SLAIN1: variants seen among roughly 807,000 people sequenced by gnomAD.
SLAIN1 encodes the protein SLAIN motif-containing protein 1.
A neutral mutation model predicts 55.4 loss-of-function variants in SLAIN1; 17 were observed. The ratio of observed to expected loss-of-function variants is 0.31; its 90% CI spans 0.21 to 0.46. SLAIN1 has a LOEUF of 0.46. SLAIN1 is among the 20% of genes least tolerant of loss of function. The pLI is 1.00. For synonymous variants in SLAIN1, 348 were observed against 337.4 expected (o/e 1.03, Z -0.35); for missense variants, 682 against 785.1 (o/e 0.87, Z 1.57).
chr13:77,715,057 A>G (rs544856031), intron 1 of SLAIN1, among the ~76,000 whole-genome samples: 24 of 152,192 alleles, frequency 1.6e-4, no homozygotes, highest in African/African-American at 4.6e-4. Flanking sequence ...TAGTAGAGAC[A>G]GGGTTTCACC....
In SLAIN1 at chr13:77,741,120, T is replaced by C. The variant is rs914978106; in HGVS notation, c.767-3163T>C. On this transcript the variant is annotated intron_variant, in intron 2 of 6. Coordinates refer to ENST00000418532, the MANE Select transcript of SLAIN1 (RefSeq NM_001242868.2). ...TGATGAATGCTGCTTACTTGTGATG[T>C]GCTGCCGCCCGCATCTGTGGGTGAG... The C allele has an allele frequency of 4.1e-6, 4 of 984,328 alleles. No homozygotes were observed. In the African/African-American group the frequency reaches 7.0e-5, roughly 17 times the overall value. The allele number at this position is 984,328 out of a possible 1,614,324, so 61.0% of individuals were successfully genotyped here. A position where few individuals can be genotyped will look rare whatever the true frequency, so the allele number is the denominator to read the frequency against.
Position 77,698,918 on chromosome 13 carries a change from CG to C in SLAIN1, c.626+384del. 1 of 1,533,434 alleles carries C rather than the reference CG, an allele frequency of 6.5e-7. No homozygotes were observed. The highest frequency in any genetic ancestry group is 1.2e-5 in the South Asian group (1 of 83,930). The allele number at this position is 1,533,434 out of a possible 1,614,324, so 95.0% of individuals were successfully genotyped here. On this transcript the variant is annotated intron_variant, in intron 1 of 6. Transcript: ENST00000418532. This position sits in a 1 kb window ranked among gnomAD's most constrained non-coding sequence, Gnocchi z 4.1. The stretch of plus-strand genomic sequence containing the variant: ...TTCCCCAGTGTTTTCGGAGGGATGA[CG>C]GGGGATGGTAGGGGTTGGCCTCTGT...
At chr13:77,762,194 T>C (rs1222590378) in intron 6 of SLAIN1, among the ~76,000 whole-genome samples, 1 of 152,178 alleles carries the variant, frequency 6.6e-6, no homozygotes, top group Non-Finnish European at 1.5e-5. Context: ...TTATTCTGCT[T>C]TGTAAATGCA....
intron 1 of SLAIN1, among the ~76,000 whole-genome samples, chr13:77,716,134 T>C (rs900385058): frequency 5.9e-5 from 9 of 151,992 alleles, no homozygotes; most frequent in Non-Finnish European, 1.2e-4. Flanking sequence ...TTTTTTTTTT[T>C]CTCACATATA....
chr13:77,760,227 A>C (rs946940776), intron 5 of SLAIN1, among the ~76,000 whole-genome samples: 3 of 152,188 alleles, frequency 2.0e-5, no homozygotes, highest in Non-Finnish European at 4.4e-5. Flanking sequence ...TGATACACAA[A>C]GTTGGATCAG....
At chr13:77,758,324 A>G (rs1874752036) in intron 5 of SLAIN1, among the ~76,000 whole-genome samples, 1 of 151,814 alleles carries the variant, frequency 6.6e-6, no homozygotes, top group Non-Finnish European at 1.5e-5. Context: ...GATTCTAGCT[A>G]TTAGTCCTTT....
rs745955044 is a variant in SLAIN1, at chr13:77,761,042, C to T, written c.1629C>T (p.Leu543=). 1.9e-6 allele frequency: 3 copies of T among 1,614,084 alleles called. No individual in the cohort carries two copies. Among genetic ancestry groups the T allele is most frequent in the Non-Finnish European group, 2.5e-6 (3 of 1,180,038 alleles). The part of the protein sequence containing the change: ...AASGIMGRSA[L]PRPSLAINGS... ...CTGGGATAATGGGTCGCAGTGCACT[C>T]CCAAGACCTTCGTTGGCAATAAATG... The change falls in exon 6 of 7, where the codon CTC becomes CTT. Residue 543 remains leucine (L), a synonymous_variant. Transcript: ENST00000418532.
Position 77,698,909 on chromosome 13 carries a change from G to C in SLAIN1, c.626+370G>C, listed in dbSNP as rs148814375. The C allele has an allele frequency of 8.5e-4, 1,310 of 1,533,248 alleles. 18 individuals carry two copies. The East Asian group carries it at 0.022, about 26-fold the overall frequency. 95.0% of individuals were successfully genotyped at this position (1,533,248 alleles called of 1,614,324 possible). On this transcript the variant is annotated intron_variant, in intron 1 of 6. Transcript: ENST00000418532. The surrounding 1 kb of genome is among the most constrained non-coding windows in gnomAD (Gnocchi z 4.1). ...GCTGCTCTTTTCCCCAGTGTTTTCG[G>C]AGGGATGACGGGGGATGGTAGGGGT...
intron 2 of SLAIN1, among the ~76,000 whole-genome samples, chr13:77,726,643 C>T (rs762136686): frequency 1.3e-5 from 2 of 152,120 alleles, no homozygotes; most frequent in Non-Finnish European, 2.9e-5. Context: ...TGATATTGAA[C>T]TCCTGGGCTC....
intron 5 of SLAIN1, among the ~76,000 whole-genome samples, chr13:77,759,919 A>T (rs1386350308): frequency 6.6e-6 from 1 of 152,214 alleles, no homozygotes; most frequent in African/African-American, 2.4e-5. Context: ...TTTTAAGGAA[A>T]TATTTTCAAG....
At chr13:77,757,764 G>A (rs990971450) in intron 5 of SLAIN1, among the ~76,000 whole-genome samples, 5 of 151,934 alleles carry the variant, frequency 3.3e-5, no homozygotes, top group African/African-American at 1.2e-4. Context: ...ATATTAATTT[G>A]TTTCTTTTTA....
At chr13:77,751,820 C>T (rs760302895) in intron 4 of SLAIN1, among the ~76,000 whole-genome samples, 2 of 152,004 alleles carry the variant, frequency 1.3e-5, no homozygotes, top group South Asian at 2.1e-4. Context: ...AGAGTGGAAT[C>T]GAGTACTTGA....
At chr13:77,740,240 G>A (rs1873349651) in intron 2 of SLAIN1, among the ~76,000 whole-genome samples, 2 of 152,014 alleles carry the variant, frequency 1.3e-5, no homozygotes, top group South Asian at 4.1e-4. Context: ...TTCAGAACAG[G>A]TTTGCTCAGG....
chr13:77,741,416 G>A (rs930592659), intron 2 of SLAIN1: 10 of 987,316 alleles, frequency 1.0e-5, no homozygotes, highest in South Asian at 4.7e-5. Context: ...TTCTGGCTCC[G>A]ATTGGGAAAA....
Position 77,698,202 on chromosome 13 carries a change from G to A in SLAIN1, c.289G>A (p.Gly97Arg). 1 of 1,232,370 alleles carries A rather than the reference G, an allele frequency of 8.1e-7. No homozygotes were observed. 76.3% of individuals were successfully genotyped at this position (1,232,370 alleles called of 1,614,324 possible). ...CACCGCCGCGGCCTCAGGGGGCCTG[G>A]GGCTCGGGCTGGCGCTGGGCGCGGG... ...TATAAASGGL[G>R]LGLALGAGGG... The change falls in exon 1 of 7, where the codon GGG (glycine) becomes AGG (arginine). Residue 97 changes from glycine (G) to arginine (R), a missense_variant. Coordinates refer to ENST00000418532, the MANE Select transcript of SLAIN1 (RefSeq NM_001242868.2). This position sits in a 1 kb window ranked among gnomAD's most constrained non-coding sequence, Gnocchi z 4.1.
chr13:77,715,025 A>G (rs1054361009), intron 1 of SLAIN1, among the ~76,000 whole-genome samples: 7 of 152,170 alleles, frequency 4.6e-5, no homozygotes, highest in African/African-American at 1.7e-4. Flanking sequence ...ATGCCACCAC[A>G]TGCAGCTAAT....
At chr13:77,753,490 G>A (rs760684270) in intron 5 of SLAIN1, 132 bp downstream of exon 5, 39 of 408,422 alleles carry the variant, frequency 9.5e-5, no homozygotes, top group Admixed American at 1.5e-4. Flanking sequence ...TTTCCTTGCC[G>A]TGTAACTTAT....
At chr13:77,762,347 A>G (rs368137300) in intron 6 of SLAIN1, among the ~76,000 whole-genome samples, 3 of 152,176 alleles carry the variant, frequency 2.0e-5, no homozygotes, top group Admixed American at 6.5e-5. Context: ...GAGATGGTCT[A>G]TTTCCCCAAA....
rs117088409 is a variant in SLAIN1, at chr13:77,699,443, A to T, written c.626+904A>T. On this transcript the variant is annotated intron_variant, in intron 1 of 6. Transcript: ENST00000418532. Reference sequence around the variant, plus strand: ...CACTGTCTACTTTCCATGAATGAGTAACTTTAGGGGGAGGCTTGCTGTAGT... The same window carrying T: ...CACTGTCTACTTTCCATGAATGAGTTACTTTAGGGGGAGGCTTGCTGTAGT... Among the ~76,000 whole-genome samples, 714 of 152,288 alleles carry T rather than the reference A, an allele frequency of 4.7e-3. 2 individuals are homozygous for T. The highest frequency in any genetic ancestry group is 7.5e-3 in the Non-Finnish European group (510 of 68,030).
Sources: allele counts gnomAD v4.1 joint callset (sites outside exome capture counted in the v4.1 genomes callset), GRCh38; gene constraint gnomAD v4.1.1; non-coding constraint Gnocchi (gnomAD v3.1); transcripts MANE v1.5; gene names NCBI Gene and HGNC (gene_info 2026-07-23, HGNC 2026-07-21).